GALNT11: variants seen among roughly 807,000 people sequenced by gnomAD.
GALNT11 encodes UDP-GalNAc:polypeptide N-acetylgalactosaminyltransferase 11.
GALNT11 carries 47 observed loss-of-function variants against 72.7 expected under a neutral mutation model. That is an observed-to-expected ratio of 0.65 (90% CI 0.51 to 0.82). The LOEUF (loss-of-function observed/expected upper bound fraction) is 0.82, where lower values mean the gene tolerates loss of function less well. Among genes scored for constraint, GALNT11 ranks in the 40% least tolerant of loss-of-function variants. The pLI is 0.00. For missense variants in GALNT11, 677 were observed against 778.4 expected (o/e 0.87, Z 1.55); for synonymous variants, 270 against 286.6 (o/e 0.94, Z 0.58).
At chr7:152,110,138 CT>C (rs1407255395) in intron 6 of GALNT11, among the ~76,000 whole-genome samples, 2 of 152,180 alleles carry the variant, frequency 1.3e-5, no homozygotes, top group African/African-American at 4.8e-5. Context: ...ACTGGTCTAA[CT>C]TGTGTGAGTC....
intron 1 of GALNT11, among the ~76,000 whole-genome samples, chr7:152,029,378 A>G (rs752579534): frequency 1.3e-5 from 2 of 152,162 alleles, no homozygotes; most frequent in African/African-American, 2.4e-5. Flanking sequence ...TTCTAACCCT[A>G]TAGGTAGGGG....
chr7:152,100,395 G>A (rs770338742), intron 2 of GALNT11, among the ~76,000 whole-genome samples: 1 of 151,808 alleles, frequency 6.6e-6, no homozygotes, highest in Non-Finnish European at 1.5e-5. Context: ...GTGAAACCCC[G>A]TCTCAACTAA....
intron 1 of GALNT11, among the ~76,000 whole-genome samples, chr7:152,037,652 GAT>G (rs890995073): frequency 6.6e-5 from 10 of 151,902 alleles, no homozygotes; most frequent in African/African-American, 2.4e-4. Flanking sequence ...TTGGTATTTT[GAT>G]AGGGATTGCA....
intron 1 of GALNT11, among the ~76,000 whole-genome samples, chr7:152,083,653 C>CTAA (rs2085452469): frequency 6.6e-6 from 1 of 152,020 alleles, no homozygotes; most frequent in Non-Finnish European, 1.5e-5. Flanking sequence ...CAAAGTTTAC[C>CTAA]TGGCTATTCC....
intron 1 of GALNT11, among the ~76,000 whole-genome samples, chr7:152,043,134 A>G (rs1002396324): frequency 2.6e-5 from 4 of 152,180 alleles, no homozygotes; most frequent in South Asian, 2.1e-4. Flanking sequence ...GCTGTGCTAT[A>G]TGGTCTCCAG....
intron 8 of GALNT11, among the ~76,000 whole-genome samples, chr7:152,116,302 G>A (rs1166132710): frequency 6.6e-6 from 1 of 152,110 alleles, no homozygotes; most frequent in African/African-American, 2.4e-5. Context: ...CCAGGCTGTA[G>A]TGCAGTGGCA....
rs550370276 is a variant in GALNT11 at position 152,109,007 on chromosome 7, G to A, written c.962+720G>A. On this transcript the variant is annotated intron_variant, in intron 6 of 11. Transcript: ENST00000430044. ...TTGTTATTGTTATTATGTTGTTATC[G>A]TTGCTTATTTGTTGTTATATACAAC... Among the ~76,000 whole-genome samples, 29 of 151,986 alleles carry A rather than the reference G, an allele frequency of 1.9e-4. No individual in the cohort carries two copies. The South Asian group carries it at 5.8e-3, about 30-fold the overall frequency.
intron 1 of GALNT11, among the ~76,000 whole-genome samples, chr7:152,064,270 A>T (rs922280397): frequency 3.3e-5 from 5 of 152,136 alleles, no homozygotes; most frequent in African/African-American, 9.7e-5. Flanking sequence ...AGAGACTAGG[A>T]TTGCAACCCC....
chr7:152,113,249 T>A lies in GALNT11; in HGVS notation c.1084T>A (p.Trp362Arg), dbSNP rs1466574087. The part of the protein sequence containing the change: ...GENLEISFRI[W>R]MCGGKLFIIP... Reference sequence around the variant, plus strand: ...ACCTGTTTTTGCTTCTGGCCAGATCTGGATGTGTGGCGGTAAGCTCTTCAT... The same window carrying A: ...ACCTGTTTTTGCTTCTGGCCAGATCAGGATGTGTGGCGGTAAGCTCTTCAT... The change falls in exon 8 of 12, where the codon TGG becomes AGG. Residue 362 changes from tryptophan (W) to arginine (R), a missense_variant. Coordinates refer to ENST00000430044, the MANE Select transcript of GALNT11 (RefSeq NM_022087.4). The A allele has an allele frequency of 6.2e-7, 1 of 1,612,124 alleles. No homozygotes were observed. Among genetic ancestry groups the A allele is most frequent in the African/African-American group, 1.3e-5 (1 of 74,856 alleles).
intron 1 of GALNT11, among the ~76,000 whole-genome samples, chr7:152,057,524 C>T (rs897342620): frequency 4.6e-5 from 7 of 151,964 alleles, no homozygotes; most frequent in African/African-American, 1.7e-4. Context: ...CCAGGCTGGT[C>T]TCAAATTCCT....
intron 6 of GALNT11, among the ~76,000 whole-genome samples, chr7:152,109,736 A>G (rs1326083955): frequency 1.3e-5 from 2 of 152,222 alleles, no homozygotes; most frequent in Non-Finnish European, 2.9e-5. Flanking sequence ...TTATAGAAAT[A>G]CATTCATACC....
chr7:152,054,382 CT>C (rs759470631), intron 1 of GALNT11, among the ~76,000 whole-genome samples: 1,783 of 131,246 alleles, frequency 0.014, 19 homozygotes, highest in African/African-American at 0.041. Context: ...GTCTACCTCA[CT>C]TTTTTTTTTT....
At chr7:152,042,814 G>A (rs532537795) in intron 1 of GALNT11, among the ~76,000 whole-genome samples, 5 of 152,196 alleles carry the variant, frequency 3.3e-5, no homozygotes, top group South Asian at 2.1e-4. Flanking sequence ...GTTGTCCATC[G>A]GGCCCTTCAC....
intron 1 of GALNT11, among the ~76,000 whole-genome samples, chr7:152,045,240 T>C (rs888469872): frequency 2.0e-5 from 3 of 152,168 alleles, no homozygotes; most frequent in African/African-American, 7.2e-5. Context: ...TACTGGCCTG[T>C]AGTTTTATTT....
chr7:152,051,835 C>T (rs2083421904), intron 1 of GALNT11, among the ~76,000 whole-genome samples: 1 of 152,230 alleles, frequency 6.6e-6, no homozygotes, highest in Non-Finnish European at 1.5e-5. Context: ...GTTCTTCACT[C>T]TGACAATTTC....
intron 1 of GALNT11, among the ~76,000 whole-genome samples, chr7:152,076,061 CAAAAAAAAAAAAAAAA>C (rs71198757): frequency 1.4e-5 from 1 of 71,314 alleles, no homozygotes; most frequent in Non-Finnish European, 2.3e-5. Flanking sequence ...GACTCCGTCT[CAAAAAAAAAAAAAAAA>C]AAAAAAAAAA....
chr7:152,051,624 T>C (rs1311815650), intron 1 of GALNT11, among the ~76,000 whole-genome samples: 1 of 152,184 alleles, frequency 6.6e-6, no homozygotes, highest in Non-Finnish European at 1.5e-5. Context: ...AATATTCTGG[T>C]ATTACTCTCC....
At chr7:152,076,061 C>CAAAAAAAA (rs71198757) in intron 1 of GALNT11, among the ~76,000 whole-genome samples, 8 of 71,318 alleles carry the variant, frequency 1.1e-4, no homozygotes, top group African/African-American at 3.1e-4. Context: ...GACTCCGTCT[C>CAAAAAAAA]AAAAAAAAAA....
intron 1 of GALNT11, among the ~76,000 whole-genome samples, chr7:152,036,758 C>T (rs2082600549): frequency 6.6e-6 from 1 of 152,148 alleles, no homozygotes; most frequent in Non-Finnish European, 1.5e-5. Context: ...TCATTATTGC[C>T]TGTCTTTTGG....
Sources: gnomAD v4.1 joint callset for allele counts (sites outside exome capture counted in the v4.1 genomes callset) on GRCh38, gnomAD v4.1.1 for gene constraint, MANE v1.5 for transcripts, NCBI Gene and HGNC (gene_info 2026-07-23, HGNC 2026-07-21) for gene names.